ERI1: variants seen among roughly 807,000 people sequenced by gnomAD.
The protein encoded by ERI1 is 3'-5' exoribonuclease 1.
In ERI1, 39 loss-of-function variants were observed where a neutral mutation model predicts 39.7. That is an observed-to-expected ratio of 0.98 (90% CI 0.76 to 1.28). ERI1 has a LOEUF of 1.28. Among genes scored for constraint, ERI1 ranks in the 50% most tolerant of loss-of-function variants. The pLI, the probability that ERI1 is intolerant of heterozygous loss-of-function variation, is 0.00. For synonymous variants in ERI1, 204 were observed against 149.6 expected (o/e 1.36, Z -2.65); for missense variants, 581 against 416.9 (o/e 1.39, Z -3.43).
chr8:9,081,703 T>TTTTG (rs10701232), intron 3 of ERI1, among the ~76,000 whole-genome samples: 59,008 of 141,772 alleles, frequency 0.42, 12,513 homozygotes, highest in Non-Finnish European at 0.5. Context: ...TTTTTTTGGT[T>TTTTG]TTTGTTTGTT....
At chr8:9,053,135 G>C (rs1798409879) in intron 3 of ERI1, among the ~76,000 whole-genome samples, 1 of 152,186 alleles carries the variant, frequency 6.6e-6, no homozygotes, top group Non-Finnish European at 1.5e-5. Context: ...TCCTGCCTCA[G>C]CCTCCAGAAT....
At chr8:9,050,632 T>C (rs2044388) in intron 3 of ERI1, among the ~76,000 whole-genome samples, 133,785 of 152,144 alleles carry the variant, frequency 0.88, 58,990 homozygotes, top group Non-Finnish European at 0.91. Context: ...GTCACCAGAG[T>C]GTAGGCCAAG....
chr8:9,005,740 C>A (rs1315830213), intron 1 of ERI1, among the ~76,000 whole-genome samples: 1 of 151,942 alleles, frequency 6.6e-6, no homozygotes, highest in Non-Finnish European at 1.5e-5. Context: ...GTTATCCGCC[C>A]GCCTCGGCCT....
intron 6 of ERI1, among the ~76,000 whole-genome samples, chr8:9,021,978 G>A (rs558401952): frequency 6.6e-6 from 1 of 151,700 alleles, no homozygotes; most frequent in East Asian, 1.9e-4. Flanking sequence ...CATGTCCCCT[G>A]GTGTCTGTGC....
intron 3 of ERI1, among the ~76,000 whole-genome samples, chr8:9,055,861 G>C (rs897046741): frequency 6.6e-6 from 1 of 152,254 alleles, no homozygotes; most frequent in South Asian, 2.1e-4. Context: ...AAGCTTTATA[G>C]CTAGCTTTGA....
chr8:9,047,786 T>C (rs1304420715), intron 3 of ERI1, among the ~76,000 whole-genome samples: 1 of 152,210 alleles, frequency 6.6e-6, no homozygotes, highest in Non-Finnish European at 1.5e-5. Context: ...ACCTATTTAT[T>C]AATTGAGCTT....
chr8:9,005,129 T>A (rs1815846021), intron 1 of ERI1, among the ~76,000 whole-genome samples: 1 of 152,242 alleles, frequency 6.6e-6, no homozygotes. Flanking sequence ...GGTTCAGATT[T>A]CATCAGAACT....
At chr8:9,027,268 A>T (rs982870125) in intron 6 of ERI1, among the ~76,000 whole-genome samples, 3 of 151,628 alleles carry the variant, frequency 2.0e-5, no homozygotes, top group African/African-American at 7.3e-5. Flanking sequence ...GCATCTTTTC[A>T]TGTGATTTTT....
At chr8:9,094,110 A>G (rs1005104492) in intron 3 of ERI1, among the ~76,000 whole-genome samples, 2 of 152,240 alleles carry the variant, frequency 1.3e-5, no homozygotes, top group East Asian at 1.9e-4. Flanking sequence ...ATTATCAGCA[A>G]TTTAAAAGCT....
chr8:9,016,187 A>G lies in ERI1; in HGVS notation c.499-135A>G, dbSNP rs1383069572. On this transcript the variant is annotated intron_variant, in intron 3 of 6. Transcript: ENST00000250263. ...AAGAGTGCTTTCGATGTGGGGAATTATTCTTAAAAACTGGAAGGGTTTATG... is the reference window on the plus strand; with the variant it reads ...AAGAGTGCTTTCGATGTGGGGAATTGTTCTTAAAAACTGGAAGGGTTTATG... 1.1e-5 allele frequency: 5 copies of G among 447,824 alleles called. No individual in the cohort carries two copies. The Admixed American group carries it at 1.7e-4, about 15-fold the overall frequency. 27.7% of individuals were successfully genotyped at this position (447,824 alleles called of 1,614,324 possible). A position where few individuals can be genotyped will look rare whatever the true frequency, so the allele number is the denominator to read the frequency against.
At chr8:9,077,287 C>T (rs1799238523) in intron 3 of ERI1, among the ~76,000 whole-genome samples, 1 of 152,162 alleles carries the variant, frequency 6.6e-6, no homozygotes, top group Non-Finnish European at 1.5e-5. Context: ...CCTTCAGGGC[C>T]CACCAAAAAT....
chr8:9,051,139 GGTATATATGAATATATATATGTAT>G lies in ERI1; in HGVS notation n.299+30696_299+30719del, dbSNP rs1436983724. Among the ~76,000 whole-genome samples, 161 of 151,518 alleles carry G rather than the reference GGTATATATGAATATATATATGTAT, an allele frequency of 1.1e-3. 5 individuals are homozygous for G. In the South Asian group the frequency reaches 0.032, roughly 30 times the overall value. On this transcript the variant is annotated intron_variant and non_coding_transcript_variant, in intron 3 of 3. Coordinates refer to the ERI1 transcript ENST00000518663. Reference sequence around the variant, plus strand: ...TATTACTTTCCCATAGGGAATTGGAGGTATATATGAATATATATATGTATGTATATATGAATATATATATATATG... The same window carrying G: ...TATTACTTTCCCATAGGGAATTGGAGGTATATATGAATATATATATATATG...
At chr8:9,021,611 C>T (rs551938264) in intron 6 of ERI1, among the ~76,000 whole-genome samples, 1 of 152,120 alleles carries the variant, frequency 6.6e-6, no homozygotes, top group South Asian at 2.1e-4. Flanking sequence ...AACTCCCTTC[C>T]TTCCTCCTGG....
intron 3 of ERI1, among the ~76,000 whole-genome samples, chr8:9,066,700 T>C (rs1425064255): frequency 2.0e-5 from 3 of 152,236 alleles, no homozygotes; most frequent in African/African-American, 4.8e-5. Flanking sequence ...TCTATTTTCT[T>C]ACCTGAAATT....
At chr8:9,009,729 A>G (rs1433888437) in intron 2 of ERI1, among the ~76,000 whole-genome samples, 1 of 152,078 alleles carries the variant, frequency 6.6e-6, no homozygotes, top group East Asian at 1.9e-4. Flanking sequence ...TAGTGAAGAT[A>G]GGGTTTCTCC....
At chr8:9,085,719 C>G (rs36022127) in intron 3 of ERI1, among the ~76,000 whole-genome samples, 1 of 151,548 alleles carries the variant, frequency 6.6e-6, no homozygotes, top group Non-Finnish European at 1.5e-5. Flanking sequence ...AGTGATGAGA[C>G]AGTAAAAGTT....
rs755609553 is a variant in ERI1 at position 9,029,803 on chromosome 8, C to A, written c.819C>A (p.Ser273Arg). The A allele has an allele frequency of 6.2e-7, 1 of 1,614,066 alleles. No homozygotes were observed. Among genetic ancestry groups the A allele is most frequent in the South Asian group, 1.1e-5 (1 of 91,080 alleles). Residue 273 changes from serine to arginine, a missense_variant, in exon 7 of 7, where the codon AGC becomes AGA. Coordinates refer to ENST00000250263, the MANE Select transcript of ERI1 (RefSeq NM_153332.4). The stretch of plus-strand genomic sequence containing the variant: ...TGTTTATTTTTCAGGTTCCTAGAAG[C>A]CAAACCAAACTGACAATAATGCTTG... ...SYGNFYKVPRSQTKLTIMLEK... is the reference protein window; with the variant it reads ...SYGNFYKVPRRQTKLTIMLEK...
intron 3 of ERI1, among the ~76,000 whole-genome samples, chr8:9,059,538 C>T (rs1204624517): frequency 6.6e-6 from 1 of 151,496 alleles, no homozygotes; most frequent in Non-Finnish European, 1.5e-5. Flanking sequence ...AAACATTTGT[C>T]TTATAGAATT....
At chr8:9,057,998 C>T (rs1798565306) in intron 3 of ERI1, among the ~76,000 whole-genome samples, 1 of 152,176 alleles carries the variant, frequency 6.6e-6, no homozygotes, top group Non-Finnish European at 1.5e-5. Context: ...CCGTTGCAAG[C>T]ATTTGGGCTT....
Sources: allele counts gnomAD v4.1 joint callset (sites outside exome capture counted in the v4.1 genomes callset), GRCh38; gene constraint gnomAD v4.1.1; transcripts MANE v1.5; gene names NCBI Gene and HGNC (gene_info 2026-07-23, HGNC 2026-07-21).